Variants in CFDP1 observed in about 807,000 individuals in gnomAD.
CFDP1 encodes chromatin remodeling protein CFDP1, also known as heterochromatin-stabilizing protein CFDP1.
Under a neutral mutation model 40.1 loss-of-function variants are expected in CFDP1, and 31 were observed. The observed-to-expected ratio is 0.77, with a 90% CI of 0.58 to 1.04. The LOEUF (loss-of-function observed/expected upper bound fraction) is 1.04. CFDP1 is among the 50% of genes least tolerant of loss of function. CFDP1 has a pLI of 0.00. For missense variants in CFDP1, 423 were observed against 343.4 expected (o/e 1.23, Z -1.83); for synonymous variants, 167 against 120.0 (o/e 1.39, Z -2.56).
intron 5 of CFDP1, chr16:75,321,841 C>G (rs186830430): frequency 6.6e-6 from 1 of 152,112 alleles, no homozygotes; most frequent in Non-Finnish European, 1.5e-5. Context: ...TTTTCTTTTT[C>G]GAGACCAAGT....
At chr16:75,415,203 G>C (rs984973028) in intron 1 of CFDP1, among the ~76,000 whole-genome samples, 7 of 152,126 alleles carry the variant, frequency 4.6e-5, no homozygotes, top group Admixed American at 3.9e-4. Flanking sequence ...ATAGCAGAAA[G>C]AACAAACACA....
intron 5 of CFDP1, among the ~76,000 whole-genome samples, chr16:75,332,889 C>T (rs549929894): frequency 3.1e-4 from 44 of 142,938 alleles, no homozygotes; most frequent in African/African-American, 1.1e-3. Context: ...CTCACTGCAA[C>T]CTCCGCCTCC....
intron 5 of CFDP1, among the ~76,000 whole-genome samples, chr16:75,336,267 C>A (rs79688671): frequency 0.015 from 2,350 of 152,216 alleles, 56 homozygotes; most frequent in African/African-American, 0.053. Context: ...AGATAGGTAG[C>A]ACAGGAGCCT....
intron 1 of CFDP1, among the ~76,000 whole-genome samples, chr16:75,431,697 A>G (rs1271180816): frequency 1.3e-5 from 2 of 152,108 alleles, no homozygotes; most frequent in Non-Finnish European, 2.9e-5. Flanking sequence ...GTTCAACGGC[A>G]GACTACGGAG....
chr16:75,335,456 G>A (rs931825688), intron 5 of CFDP1, among the ~76,000 whole-genome samples: 5 of 151,970 alleles, frequency 3.3e-5, no homozygotes, highest in East Asian at 1.9e-4. Flanking sequence ...GTGTCCATCC[G>A]GAGAGATTCT....
intron 6 of CFDP1, among the ~76,000 whole-genome samples, chr16:75,303,400 A>AATAAATAAATGTATGTATGTATGTATGT (rs745774792): frequency 6.8e-6 from 1 of 146,168 alleles, no homozygotes; most frequent in African/African-American, 2.6e-5. Context: ...TAAATAAATA[A>AATAAATAAATGTATGTATGTATGTATGT]ATGTATGTAT....
chr16:75,417,045 T>C (rs1176734897), intron 1 of CFDP1, among the ~76,000 whole-genome samples: 3 of 152,112 alleles, frequency 2.0e-5, no homozygotes, highest in African/African-American at 7.2e-5. Context: ...TGGTGGAGAA[T>C]GCCTATGGTC....
chr16:75,381,074 A>C (rs950011828), intron 5 of CFDP1: 3 of 152,236 alleles, frequency 2.0e-5, no homozygotes, highest in African/African-American at 7.2e-5. Flanking sequence ...GAGTGACTAC[A>C]GACTTTATGT....
intron 5 of CFDP1, among the ~76,000 whole-genome samples, chr16:75,342,684 A>T (rs879572540): frequency 7.9e-5 from 12 of 152,142 alleles, no homozygotes; most frequent in Non-Finnish European, 1.3e-4. Flanking sequence ...AAGAAGAACA[A>T]ATATTTTGAG....
At chr16:75,433,242 G>C in intron 1 of CFDP1, 47 bp downstream of exon 1, 1 of 1,531,430 alleles carries the variant, frequency 6.5e-7, no homozygotes, top group South Asian at 1.2e-5. Context: ...CTCACGTGAG[G>C]CGTGGGGCGG....
intron 5 of CFDP1, 180 bp downstream of exon 5, chr16:75,394,910 G>A (rs1242158899): frequency 6.9e-6 from 5 of 725,704 alleles, no homozygotes; most frequent in Non-Finnish European, 1.0e-5. Flanking sequence ...ATCCTCCTGA[G>A]AAAGTTATGG....
intron 1 of CFDP1, among the ~76,000 whole-genome samples, chr16:75,427,903 C>A (rs1248536562): frequency 1.3e-5 from 2 of 152,232 alleles, no homozygotes; most frequent in Non-Finnish European, 2.9e-5. Flanking sequence ...CACCCAACAA[C>A]AGAAGGAGCT....
intron 5 of CFDP1, among the ~76,000 whole-genome samples, chr16:75,334,977 A>G (rs2078476109): frequency 6.6e-6 from 1 of 152,180 alleles, no homozygotes; most frequent in Admixed American, 6.6e-5. Context: ...AAGAAAAGAA[A>G]AAAAGAAAAG....
chr16:75,329,784 T>C (rs1170857969), intron 5 of CFDP1, among the ~76,000 whole-genome samples: 2 of 152,244 alleles, frequency 1.3e-5, no homozygotes, highest in Non-Finnish European at 2.9e-5. Flanking sequence ...CATTTATCAA[T>C]TTGTTTTAAT....
intron 5 of CFDP1, among the ~76,000 whole-genome samples, chr16:75,358,120 A>T (rs1167909976): frequency 6.6e-6 from 1 of 151,974 alleles, no homozygotes; most frequent in Non-Finnish European, 1.5e-5. Context: ...ACCAAGGATT[A>T]CTGATTGCAC....
chr16:75,381,067 TG>T (rs1824192267), intron 5 of CFDP1: 2 of 152,190 alleles, frequency 1.3e-5, no homozygotes, highest in Middle Eastern at 3.4e-3. Context: ...AGAGGAAGAG[TG>T]ACTACAGACT....
At chr16:75,406,219 A>G (rs1222771336) in intron 4 of CFDP1, among the ~76,000 whole-genome samples, 1 of 151,998 alleles carries the variant, frequency 6.6e-6, no homozygotes, top group Non-Finnish European at 1.5e-5. Flanking sequence ...TAAAAAAATA[A>G]AAACGAATTA....
intron 4 of CFDP1, among the ~76,000 whole-genome samples, chr16:75,404,156 A>G (rs936768238): frequency 4.0e-5 from 6 of 151,616 alleles, no homozygotes; most frequent in African/African-American, 7.3e-5. Context: ...AATTATTATT[A>G]TTATTTATGG....
intron 5 of CFDP1, among the ~76,000 whole-genome samples, chr16:75,330,281 G>C (rs1398166726): frequency 6.6e-6 from 1 of 152,164 alleles, no homozygotes; most frequent in Non-Finnish European, 1.5e-5. Context: ...GACAGCCTGA[G>C]GCTAGTTTTC....
Sources: allele counts gnomAD v4.1 joint callset (sites outside exome capture counted in the v4.1 genomes callset), GRCh38; gene constraint gnomAD v4.1.1; transcripts MANE v1.5; gene names NCBI Gene and HGNC (gene_info 2026-07-23, HGNC 2026-07-21).